MIA2: variants seen among roughly 807,000 people sequenced by gnomAD.
The protein encoded by MIA2 is MIA SH3 domain ER export factor 2, also known as melanoma inhibitory activity protein 2.
Under a neutral mutation model 167.8 loss-of-function variants are expected in MIA2, and 127 were observed. The observed-to-expected ratio is 0.76, with a 90% confidence interval of 0.66 to 0.88. The LOEUF (loss-of-function observed/expected upper bound fraction) is 0.88. Among genes scored for constraint, MIA2 ranks in the 40% least tolerant of loss-of-function variants. MIA2 has a pLI of 0.00. For missense variants in MIA2, 1,690 were observed against 1,624.7 expected, an observed-to-expected ratio of 1.04 and a Z score of -0.69; for synonymous variants, 552 against 541.9, an observed-to-expected ratio of 1.02 and a Z score of -0.26.
At chr14:39,330,158 T>C (rs1360598184) in intron 25 of MIA2, among the ~76,000 whole-genome samples, 2 of 152,200 alleles carry the variant, frequency 1.3e-5, no homozygotes, top group Non-Finnish European at 2.9e-5. Flanking sequence ...TTGTTACTGA[T>C]CTATTCAGGA....
intron 23 of MIA2, among the ~76,000 whole-genome samples, chr14:39,319,982 A>C (rs1324045300): frequency 6.6e-6 from 1 of 152,148 alleles, no homozygotes; most frequent in Non-Finnish European, 1.5e-5. Context: ...AAGTTATAAA[A>C]ATCACTTTTG....
At chr14:39,262,484 G>C (rs958299395) in intron 6 of MIA2, among the ~76,000 whole-genome samples, 4 of 152,182 alleles carry the variant, frequency 2.6e-5, no homozygotes, top group Non-Finnish European at 5.9e-5. Flanking sequence ...GCTTAGGACT[G>C]TCTTGGCAAT....
chr14:39,255,002 T>A (rs1307058589), intron 6 of MIA2, among the ~76,000 whole-genome samples: 1 of 152,204 alleles, frequency 6.6e-6, no homozygotes, highest in Non-Finnish European at 1.5e-5. Context: ...GTTTCTAGCT[T>A]GGGGGACCTG....
At chr14:39,265,938 A>G in intron 6 of MIA2, 1 of 983,760 alleles carries the variant, frequency 1.0e-6, no homozygotes, top group African/African-American at 1.7e-5. Context: ...TGATATTAGC[A>G]TTTCCTGAAA....
At position 39,319,222 on chromosome 14, in the gene MIA2, G is replaced by T. The variant is rs2065985474; in HGVS notation, c.3298G>T (p.Glu1100Ter). The T allele has an allele frequency of 1.3e-6, 2 of 1,567,666 alleles. No individual in the cohort carries two copies. Among genetic ancestry groups the T allele is most frequent in the Admixed American group, 1.7e-5 (1 of 57,740 alleles). Reference sequence around the variant, plus strand: ...CTTTATTTGCAGATTAACTGAAACAGAGCTTAAATTTGAACTTTTAGAAAA... The same window carrying T: ...CTTTATTTGCAGATTAACTGAAACATAGCTTAAATTTGAACTTTTAGAAAA... ...AHNRQKLTETELKFELLEKDP... is the reference protein window; with the variant it reads ...AHNRQKLTET Residue 1100 changes from glutamate to a stop codon, truncating the protein, a stop_gained, in exon 23 of 29, where the codon GAG (glutamate) becomes TAG (stop). Coordinates refer to ENST00000640607, the MANE Select transcript of MIA2 (RefSeq NM_001329214.4). LOFTEE classifies it high-confidence loss of function.
chr14:39,386,044 C>G, intron 23 of MIA2: 1 of 1,141,040 alleles, frequency 8.8e-7, no homozygotes, highest in Admixed American at 1.8e-5. Flanking sequence ...GCCCGGACAA[C>G]CTCTTCTTGC....
chr14:39,344,239 GA>G (rs2072701504), intron 25 of MIA2, among the ~76,000 whole-genome samples: 1 of 152,126 alleles, frequency 6.6e-6, no homozygotes. Flanking sequence ...ATATAATTTA[GA>G]AGCAAAATAA....
chr14:39,239,402 G>A (rs192985234), intron 2 of MIA2, among the ~76,000 whole-genome samples: 1 of 152,080 alleles, frequency 6.6e-6, no homozygotes, highest in East Asian at 1.9e-4. Flanking sequence ...CAAATTAGTG[G>A]GGTGTTGTGG....
intron 3 of MIA2, among the ~76,000 whole-genome samples, chr14:39,242,856 C>T (rs1344591405): frequency 6.6e-6 from 1 of 151,868 alleles, no homozygotes; most frequent in Non-Finnish European, 1.5e-5. Context: ...GGCATTGTGG[C>T]TCACATCTGT....
chr14:39,235,006 C>A (rs1025889318), intron 1 of MIA2, among the ~76,000 whole-genome samples: 8 of 150,648 alleles, frequency 5.3e-5, no homozygotes, highest in Non-Finnish European at 1.2e-4. Context: ...TCAGCAGAAT[C>A]AAAAATTGCT....
At position 39,326,919 on chromosome 14, in the gene MIA2, A is replaced by C. The variant is rs1055606576; in HGVS notation, c.3552A>C (p.Glu1184Asp). ...ATCAGATTACCAATGAAAGAGGAGA[A>C]TCAAGCTGTGATAGGTTAACCGATC... ...LDHQITNERGESSCDRLTDPH... is the reference protein window; with the variant it reads ...LDHQITNERGDSSCDRLTDPH... The change falls in exon 25 of 29, where the codon GAA becomes GAC. Residue 1184 changes from glutamate to aspartate, a missense_variant. Coordinates refer to ENST00000640607, the MANE Select transcript of MIA2 (RefSeq NM_001329214.4). The C allele has an allele frequency of 2.5e-6, 4 of 1,597,816 alleles. No individual in the cohort carries two copies. Among genetic ancestry groups the C allele is most frequent in the Admixed American group, 3.5e-5 (2 of 57,476 alleles).
At chr14:39,324,110 T>C (rs2066987934) in intron 24 of MIA2, among the ~76,000 whole-genome samples, 1 of 152,240 alleles carries the variant, frequency 6.6e-6, no homozygotes, top group Non-Finnish European at 1.5e-5. Flanking sequence ...GTAAATTGTA[T>C]GTAACTGGGT....
At chr14:39,380,507 A>G (rs1370208076) in intron 23 of MIA2, among the ~76,000 whole-genome samples, 1 of 152,076 alleles carries the variant, frequency 6.6e-6, no homozygotes, top group Middle Eastern at 3.2e-3. Context: ...ATCCTGGCCA[A>G]CATGGTGAAA....
At chr14:39,325,680 A>G (rs1595642529) in intron 24 of MIA2, among the ~76,000 whole-genome samples, 1 of 147,116 alleles carries the variant, frequency 6.8e-6, no homozygotes, top group South Asian at 2.1e-4. Flanking sequence ...ATTTTTTTAT[A>G]TTTGTCTTTT....
chr14:39,352,885 A>C (rs1217468977), downstream of MIA2, among the ~76,000 whole-genome samples: 1 of 152,112 alleles, frequency 6.6e-6, no homozygotes, highest in Non-Finnish European at 1.5e-5. Context: ...GAATACTTCA[A>C]ATTTAATCTT....
intron 25 of MIA2, among the ~76,000 whole-genome samples, chr14:39,340,322 G>A (rs1316074113): frequency 6.6e-6 from 1 of 152,210 alleles, no homozygotes; most frequent in Non-Finnish European, 1.5e-5. Context: ...CATGAGTTAA[G>A]TGTGGTTGCT....
intron 6 of MIA2, among the ~76,000 whole-genome samples, chr14:39,262,028 C>T (rs949184030): frequency 6.6e-6 from 1 of 152,126 alleles, no homozygotes; most frequent in African/African-American, 2.4e-5. Flanking sequence ...GCTTTTGTTG[C>T]CATTGCTTTT....
chr14:39,348,244 A>G (rs1472707080), intron 27 of MIA2, among the ~76,000 whole-genome samples: 1 of 152,212 alleles, frequency 6.6e-6, no homozygotes, highest in Non-Finnish European at 1.5e-5. Flanking sequence ...TTAGCGTGAA[A>G]GCTGTTTCTT....
In MIA2 at chr14:39,265,593, T is replaced by C; in HGVS notation, c.1888-11341T>C. 7 of 559,746 alleles carry C rather than the reference T, an allele frequency of 1.3e-5. No homozygotes were observed. The South Asian group carries it at 1.7e-4, about 14-fold the overall frequency. 34.7% of individuals were successfully genotyped at this position (559,746 alleles called of 1,614,324 possible). A position where few individuals can be genotyped will look rare whatever the true frequency, so the allele number is the denominator to read the frequency against. On this transcript the variant is annotated intron_variant, in intron 6 of 28. Transcript: ENST00000640607. ...TATTTGGAGTGGTAATTACTGAAAATTGGAGAGGGACATAGAGTGACTTAG... is the reference window on the plus strand; with the variant it reads ...TATTTGGAGTGGTAATTACTGAAAACTGGAGAGGGACATAGAGTGACTTAG...
Sources: gnomAD v4.1 joint callset for allele counts (sites outside exome capture counted in the v4.1 genomes callset) on GRCh38, gnomAD v4.1.1 for gene constraint, MANE v1.5 for transcripts, NCBI Gene and HGNC (gene_info 2026-07-23, HGNC 2026-07-21) for gene names.